The following RORA variants were observed in gnomAD, a reference collection of about 807,000 sequenced individuals.
The protein encoded by RORA is nuclear receptor ROR-alpha.
In RORA, 7 loss-of-function variants were observed where a neutral mutation model predicts 69.5. The observed-to-expected ratio is 0.10, with a 90% CI of 0.06 to 0.19. The LOEUF (loss-of-function observed/expected upper bound fraction) is 0.19. Ranked by LOEUF, RORA falls within the 10% of genes least tolerant of loss-of-function variation. The probability of loss-of-function intolerance (pLI) is 1.00; values close to 1 mark genes in which losing one functional copy is unlikely to be tolerated. For synonymous variants in RORA, 261 were observed against 240.8 expected (o/e 1.08, Z -0.78); for missense variants, 457 against 663.0 (o/e 0.69, Z 3.41).
intron 1 of RORA, among the ~76,000 whole-genome samples, chr15:60,908,239 G>C (rs528769859): frequency 6.6e-6 from 1 of 152,244 alleles, no homozygotes; most frequent in Non-Finnish European, 1.5e-5. Context: ...TGACCGTAGG[G>C]TGTGTGTGGA....
intron 2 of RORA, among the ~76,000 whole-genome samples, chr15:60,632,425 C>T (rs939294303): frequency 1.4e-4 from 22 of 152,138 alleles, no homozygotes; most frequent in African/African-American, 5.3e-4. Context: ...TATGTATTTT[C>T]TAAAGGGTCA....
At chr15:61,182,890 C>T (rs1361158195) in intron 1 of RORA, 2 of 152,296 alleles carry the variant, frequency 1.3e-5, no homozygotes, top group Non-Finnish European at 2.9e-5. Context: ...CCAGAGAACC[C>T]AAATTGGGGG....
chr15:61,037,026 A>AC, intron 1 of RORA, among the ~76,000 whole-genome samples: 1 of 152,192 alleles, frequency 6.6e-6, no homozygotes, highest in South Asian at 2.1e-4. Context: ...GTCAGGCGGC[A>AC]ACAGGGTAGA....
At chr15:60,750,703 A>G (rs1318650827) in intron 1 of RORA, among the ~76,000 whole-genome samples, 1 of 152,212 alleles carries the variant, frequency 6.6e-6, no homozygotes, top group African/African-American at 2.4e-5. Context: ...TTTTGTGATC[A>G]GCATGTAGAA....
At chr15:60,934,072 T>C (rs749473750) in intron 1 of RORA, among the ~76,000 whole-genome samples, 3 of 152,208 alleles carry the variant, frequency 2.0e-5, no homozygotes, top group Non-Finnish European at 4.4e-5. Flanking sequence ...TAGGGGTGGG[T>C]CACAGTGCCC....
intron 1 of RORA, among the ~76,000 whole-genome samples, chr15:61,058,313 C>T (rs1368814434): frequency 6.6e-6 from 1 of 152,126 alleles, no homozygotes; most frequent in African/African-American, 2.4e-5. Context: ...AGCTTCTGAG[C>T]CACTCTTGGC....
At chr15:61,123,369 A>G (rs2079119110) in intron 1 of RORA, among the ~76,000 whole-genome samples, 1 of 152,138 alleles carries the variant, frequency 6.6e-6, no homozygotes, top group Non-Finnish European at 1.5e-5. Context: ...CTGAGCAGCT[A>G]AAGCTTGCAA....
At chr15:61,114,848 T>C (rs970930627) in intron 1 of RORA, among the ~76,000 whole-genome samples, 17 of 152,254 alleles carry the variant, frequency 1.1e-4, no homozygotes, top group African/African-American at 3.9e-4. Flanking sequence ...GGCCTTCGTA[T>C]GTTGGCTCTT....
At chr15:61,150,070 A>G (rs1011754904) in intron 1 of RORA, among the ~76,000 whole-genome samples, 3 of 152,194 alleles carry the variant, frequency 2.0e-5, no homozygotes, top group African/African-American at 4.8e-5. Flanking sequence ...AGAGTACTAC[A>G]CATGGTTAAA....
intron 1 of RORA, among the ~76,000 whole-genome samples, chr15:61,127,006 G>T (rs1318286596): frequency 6.6e-6 from 1 of 152,114 alleles, no homozygotes; most frequent in African/African-American, 2.4e-5. Flanking sequence ...TCATCCTTCT[G>T]GTAGCAGCAA....
chr15:60,614,938 T>TTAA, intron 2 of RORA: 1 of 1,614,004 alleles, frequency 6.2e-7, no homozygotes. Context: ...CTCCCTTAAA[T>TTAA]TAATAAAGTT....
chr15:60,575,974 C>T (rs1235578158), intron 2 of RORA, among the ~76,000 whole-genome samples: 1 of 152,184 alleles, frequency 6.6e-6, no homozygotes. Flanking sequence ...TCAGCTGCAC[C>T]TTCCCAACAC....
chr15:60,722,369 C>CT (rs2071304821), intron 1 of RORA, among the ~76,000 whole-genome samples: 1 of 152,196 alleles, frequency 6.6e-6, no homozygotes, highest in Non-Finnish European at 1.5e-5. Flanking sequence ...AATAGCAGCA[C>CT]CCTTCCCCCA....
chr15:61,060,428 CT>C (rs1034683555), intron 1 of RORA, among the ~76,000 whole-genome samples: 1 of 152,184 alleles, frequency 6.6e-6, no homozygotes, highest in Non-Finnish European at 1.5e-5. Flanking sequence ...ACAGCACCCC[CT>C]GAGAGCAGGC....
chr15:61,176,968 T>G (rs1003109999), intron 1 of RORA, among the ~76,000 whole-genome samples: 1 of 152,200 alleles, frequency 6.6e-6, no homozygotes, highest in Non-Finnish European at 1.5e-5. Context: ...ATTTATTGAA[T>G]GCCTGCTCTC....
At chr15:60,713,766 A>C (rs1024137144) in intron 1 of RORA, among the ~76,000 whole-genome samples, 9 of 152,180 alleles carry the variant, frequency 5.9e-5, no homozygotes, top group Admixed American at 2.0e-4. Context: ...CAACAGTGCC[A>C]AGTTCTGGAA....
At chr15:61,137,059 GAAAGAAA>G (rs1567006614) in intron 1 of RORA, among the ~76,000 whole-genome samples, 1 of 146,370 alleles carries the variant, frequency 6.8e-6, no homozygotes, top group Admixed American at 6.8e-5. Context: ...AAGAAAGAAA[GAAAGAAA>G]GAAAGAAAGA....
chr15:60,501,307 C>G (rs760727488), intron 8 of RORA, among the ~76,000 whole-genome samples: 2 of 152,134 alleles, frequency 1.3e-5, no homozygotes, highest in African/African-American at 4.8e-5. Flanking sequence ...CCACCACTTC[C>G]ATCACATCAC....
intron 1 of RORA, among the ~76,000 whole-genome samples, chr15:60,840,495 C>A (rs1374156691): frequency 6.6e-6 from 1 of 152,248 alleles, no homozygotes; most frequent in Non-Finnish European, 1.5e-5. Context: ...ACTCATAGAA[C>A]CCTGTCCCCA....
Sources: gnomAD v4.1 joint callset for allele counts (sites outside exome capture counted in the v4.1 genomes callset) on GRCh38, gnomAD v4.1.1 for gene constraint, MANE v1.5 for transcripts, NCBI Gene and HGNC (gene_info 2026-07-23, HGNC 2026-07-21) for gene names.